Variants in SELENOK observed in about 807,000 individuals in gnomAD.
SELENOK encodes the protein selenoprotein K.
In SELENOK, 11 loss-of-function variants were observed where a neutral mutation model predicts 17.3. That is an observed-to-expected ratio of 0.63 (90% CI 0.40 to 1.05). SELENOK has a LOEUF of 1.05. Among genes scored for constraint, SELENOK ranks in the 50% least tolerant of loss-of-function variants. The pLI, the probability that SELENOK is intolerant of heterozygous loss-of-function variation, is 0.00. For missense variants in SELENOK, 125 were observed against 113.9 expected, an observed-to-expected ratio of 1.10 and a Z score of -0.44; for synonymous variants, 45 against 35.4, an observed-to-expected ratio of 1.27 and a Z score of -0.97.
chr3:53,887,030 TAC>T, intron 2 of SELENOK, 96 bp from the exon 3 acceptor site: 1 of 966,868 alleles, frequency 1.0e-6, no homozygotes, highest in Non-Finnish European at 1.5e-6. Flanking sequence ...GTGAGAGGAT[TAC>T]TAAACCCACT....
At chr3:53,887,278 C>T (rs1700134508) in intron 2 of SELENOK, among the ~76,000 whole-genome samples, 1 of 152,208 alleles carries the variant, frequency 6.6e-6, no homozygotes, top group African/African-American at 2.4e-5. Context: ...GTCTACCTAA[C>T]ATCTTAGGGA....
At chr3:53,888,196 T>C in intron 2 of SELENOK, 197 bp downstream of exon 2, 1 of 510,516 alleles carries the variant, frequency 2.0e-6, no homozygotes, top group Non-Finnish European at 3.5e-6. Context: ...CCAACTAACA[T>C]ATACTCATAA....
At chr3:53,889,704 C>G (rs756523451) in intron 1 of SELENOK, among the ~76,000 whole-genome samples, 3 of 152,126 alleles carry the variant, frequency 2.0e-5, no homozygotes, top group Non-Finnish European at 4.4e-5. Context: ...AAGTCTCTTG[C>G]CTGTATAAAA....
At chr3:53,891,645 C>T in intron 1 of SELENOK, 125 bp downstream of exon 1, 6 of 1,316,462 alleles carry the variant, frequency 4.6e-6, no homozygotes, top group African/African-American at 1.5e-5. Flanking sequence ...CAGCTCCGCC[C>T]GGCCGCGGGG....
intron 1 of SELENOK, among the ~76,000 whole-genome samples, chr3:53,890,506 G>A (rs1481567860): frequency 6.6e-6 from 1 of 152,168 alleles, no homozygotes; most frequent in Non-Finnish European, 1.5e-5. Flanking sequence ...TTTAAAGTAC[G>A]ATAAAGAGTC....
At chr3:53,886,956 A>C in intron 2 of SELENOK, 22 bp from the exon 3 acceptor site, 1 of 1,489,720 alleles carries the variant, frequency 6.7e-7, no homozygotes. Context: ...GGCAGAAAAC[A>C]ACAAAGGTAT....
Position 53,885,355 on chromosome 3 carries a change from T to C in SELENOK, c.*203A>G. The stretch of plus-strand genomic sequence containing the variant: ...AAAGGTAATGAGACAAACATCTGCA[T>C]TTATGGAACTGCATGTCAGTCAGGC... On this transcript the variant is annotated 3_prime_UTR_variant, in exon 5 of 5. Coordinates refer to ENST00000495461, the MANE Select transcript of SELENOK (RefSeq NM_021237.5). The C allele has an allele frequency of 2.1e-6, 1 of 487,686 alleles. No individual in the cohort carries two copies. The highest frequency in any genetic ancestry group is 3.6e-6 in the Non-Finnish European group (1 of 274,902). 30.2% of individuals were successfully genotyped at this position (487,686 alleles called of 1,614,324 possible).
At chr3:53,888,012 CCTTTT>C (rs1700138870) in intron 2 of SELENOK, 1 of 153,398 alleles carries the variant, frequency 6.5e-6, no homozygotes, top group African/African-American at 2.4e-5. Flanking sequence ...GGATATAAAA[CCTTTT>C]ATTTACTTGT....
intron 1 of SELENOK, among the ~76,000 whole-genome samples, chr3:53,890,370 C>A (rs968615683): frequency 6.6e-6 from 1 of 152,134 alleles, no homozygotes; most frequent in Non-Finnish European, 1.5e-5. Flanking sequence ...CTAATTGGAA[C>A]CTGTCATTTC....
chr3:53,890,690 T>A (rs1367860821), intron 1 of SELENOK, among the ~76,000 whole-genome samples: 1 of 152,220 alleles, frequency 6.6e-6, no homozygotes, highest in Non-Finnish European at 1.5e-5. Flanking sequence ...AAAACTAAGA[T>A]GAAATTTTGA....
At position 53,886,744 on chromosome 3, in the gene SELENOK, A is replaced by C. The variant is rs114637149; in HGVS notation, c.194+107T>G. 3.2e-3 allele frequency: 1,973 copies of C among 625,498 alleles called. 35 individuals carry two copies. The highest frequency in any genetic ancestry group is 0.03 in the African/African-American group (1,606 of 52,968). 38.7% of individuals were successfully genotyped at this position (625,498 alleles called of 1,614,324 possible). ...CAGTAATGCATTAATTTTGTAAAAT[A>C]GGATTTAAACTTTTAATTTCCAAAA... On this transcript the variant is annotated intron_variant, in intron 3 of 4. Transcript: ENST00000495461.
intron 4 of SELENOK, 28 bp from the exon 5 acceptor site, chr3:53,885,589 T>C (rs765682343): frequency 1.8e-5 from 29 of 1,596,826 alleles, no homozygotes; most frequent in Non-Finnish European, 1.6e-5. Flanking sequence ...AATAATTAGT[T>C]ACTGGTTATT....
Position 53,885,435 on chromosome 3 carries a change from G to T in SELENOK, c.*123C>A. On this transcript the variant is annotated 3_prime_UTR_variant, in exon 5 of 5. Coordinates refer to ENST00000495461, the MANE Select transcript of SELENOK (RefSeq NM_021237.5). The stretch of plus-strand genomic sequence containing the variant: ...GACCTCATTCATCTGTGAGGACACA[G>T]AGCAGTCCTTGTTTAGACATACACA... 1.1e-6 allele frequency: 1 copy of T among 933,394 alleles called. No homozygotes were observed. 57.8% of individuals were successfully genotyped at this position (933,394 alleles called of 1,614,324 possible).
intron 2 of SELENOK, 25 bp downstream of exon 2, chr3:53,888,366 GGC>G: frequency 7.0e-7 from 1 of 1,419,920 alleles, no homozygotes; most frequent in Non-Finnish European, 9.9e-7. Context: ...TAAATATCAG[GGC>G]AATTAAGAGC....
At chr3:53,886,785 C>A in intron 3 of SELENOK, 66 bp downstream of exon 3, 2 of 969,760 alleles carry the variant, frequency 2.1e-6, no homozygotes, top group Admixed American at 3.4e-5. Flanking sequence ...ACTCTATCTA[C>A]CTAAAATATC....
At chr3:53,885,981 C>T in intron 3 of SELENOK, 69 bp from the exon 4 acceptor site, 1 of 1,007,048 alleles carries the variant, frequency 9.9e-7, no homozygotes, top group Non-Finnish European at 1.4e-6. Flanking sequence ...TTTAAAAGCA[C>T]TCAACTAGAC....
chr3:53,885,979 C>T, intron 3 of SELENOK, 67 bp from the exon 4 acceptor site: 1 of 1,042,490 alleles, frequency 9.6e-7, no homozygotes, highest in South Asian at 1.7e-5. Flanking sequence ...CTTTTAAAAG[C>T]ACTCAACTAG....
chr3:53,886,706 G>T, intron 3 of SELENOK, 145 bp downstream of exon 3: 1 of 484,086 alleles, frequency 2.1e-6, no homozygotes. Context: ...GAAGCAATTT[G>T]ACTTTTAATT....
rs2276848 is a variant in SELENOK at position 53,891,822 on chromosome 3, C to T, written c.-34G>A. ...ACTTCCCCGCTTCGGAGCCACCGGGCGCCTGGCCCCTGTCGGTTTCTGTAT... is the reference window on the plus strand; with the variant it reads ...ACTTCCCCGCTTCGGAGCCACCGGGTGCCTGGCCCCTGTCGGTTTCTGTAT... On this transcript the variant is annotated 5_prime_UTR_variant, in exon 1 of 5. Coordinates refer to ENST00000495461, the MANE Select transcript of SELENOK (RefSeq NM_021237.5). 185,644 of 1,612,426 alleles carry T rather than the reference C, an allele frequency of 0.12. 12,236 individuals carry two copies. The highest frequency in any genetic ancestry group is 0.24 in the South Asian group (21,971 of 90,974).
Sources: allele counts gnomAD v4.1 joint callset (sites outside exome capture counted in the v4.1 genomes callset), GRCh38; gene constraint gnomAD v4.1.1; transcripts MANE v1.5; gene names NCBI Gene and HGNC (gene_info 2026-07-23, HGNC 2026-07-21).